The following TM4SF18 variants were observed in gnomAD, a reference collection of about 807,000 sequenced individuals.
TM4SF18 encodes transmembrane 4 L six family member 18, also known as transmembrane 4 L6 family member 18.
Under a neutral mutation model 23.8 loss-of-function variants are expected in TM4SF18, and 22 were observed. That is an observed-to-expected ratio of 0.92 (90% CI 0.66 to 1.32). The LOEUF is 1.32. Ranked by LOEUF, TM4SF18 falls within the 40% of genes most tolerant of loss-of-function variation. TM4SF18 has a pLI of 0.00. For synonymous variants in TM4SF18, 87 were observed against 87.9 expected, an observed-to-expected ratio of 0.99 and a Z score of 0.06; for missense variants, 255 against 240.3, an observed-to-expected ratio of 1.06 and a Z score of -0.41.
chr3:149,321,436 T>G lies in TM4SF18; in HGVS notation c.*42A>C. 2 of 1,449,062 alleles carry G rather than the reference T, an allele frequency of 1.4e-6. No individual in the cohort carries two copies. The highest frequency in any genetic ancestry group is 1.9e-6 in the Non-Finnish European group (2 of 1,052,976). 89.8% of individuals were successfully genotyped at this position (1,449,062 alleles called of 1,614,324 possible). Reference sequence around the variant, plus strand: ...CTACACAGTTGATATAATATTTAGATAGATGGCCATGTCTTGATAATGGAA... The same window carrying G: ...CTACACAGTTGATATAATATTTAGAGAGATGGCCATGTCTTGATAATGGAA... On this transcript the variant is annotated 3_prime_UTR_variant, in exon 6 of 6. Transcript: ENST00000296059.
chr3:149,324,505 T>A (rs1323526025), intron 4 of TM4SF18, among the ~76,000 whole-genome samples: 1 of 152,104 alleles, frequency 6.6e-6, no homozygotes, highest in African/African-American at 2.4e-5. Context: ...AGACCACATG[T>A]CCAACCTGGC....
chr3:149,333,204 A>G lies in TM4SF18; in HGVS notation c.177+2T>C. On this transcript the variant is annotated splice_donor_variant, in intron 2 of 5. Coordinates refer to ENST00000296059, the MANE Select transcript of TM4SF18 (RefSeq NM_138786.4). LOFTEE classifies it high-confidence loss of function. ...CTCCCAAGTCTCCAAATTCATACTT[A>G]CCATGATGCCTGAGAAACAGATTCC... is the stretch of plus-strand genomic sequence containing the variant. 1 of 1,609,154 alleles carries G rather than the reference A, an allele frequency of 6.2e-7. No homozygotes were observed. The highest frequency in any genetic ancestry group is 8.5e-7 in the Non-Finnish European group (1 of 1,177,536).
In TM4SF18 at chr3:149,329,257, G is replaced by A. The variant is rs139104619; in HGVS notation, c.267+1073C>T. On this transcript the variant is annotated intron_variant, in intron 3 of 5. Coordinates refer to ENST00000296059, the MANE Select transcript of TM4SF18 (RefSeq NM_138786.4). Reference sequence around the variant, plus strand: ...GGGACACAGTACTAAATAAAGCAACGAATTTAATTTTTAAAAGACATTGGT... The same window carrying A: ...GGGACACAGTACTAAATAAAGCAACAAATTTAATTTTTAAAAGACATTGGT... 4.4e-3 allele frequency among the ~76,000 whole-genome samples: 672 copies of A among 151,374 alleles called. 4 individuals are homozygous for A. The highest frequency in any genetic ancestry group is 0.016 in the African/African-American group (642 of 41,188).
In TM4SF18 at chr3:149,322,905, C is replaced by CTTTTTTTTTTTTTTTTTTTTTT. The variant is rs34338382; in HGVS notation, c.411-470_411-469insAAAAAAAAAAAAAAAAAAAAAA. Among the ~76,000 whole-genome samples the CTTTTTTTTTTTTTTTTTTTTTT allele has an allele frequency of 4.6e-3, 592 of 128,710 alleles. 32 individuals carry two copies. Among genetic ancestry groups the CTTTTTTTTTTTTTTTTTTTTTT allele is most frequent in the Non-Finnish European group, 6.5e-3 (380 of 58,340 alleles). The allele number at this position is 128,710 out of a possible 152,430, so 84.4% of individuals were successfully genotyped here. ...GAACTTTACCCCTCTGGCCTCCAGA[C>CTTTTTTTTTTTTTTTTTTTTTT]TTTTTTTTTTTTTTTTGAGACGGAG... is the stretch of plus-strand genomic sequence containing the variant. On this transcript the variant is annotated intron_variant, in intron 4 of 5. Coordinates refer to ENST00000296059, the MANE Select transcript of TM4SF18 (RefSeq NM_138786.4).
At position 149,320,707 on chromosome 3, in the gene TM4SF18, A is replaced by G. The variant is rs1730785207; in HGVS notation, c.*771T>C. 1 of 152,230 alleles carries G rather than the reference A, an allele frequency of 6.6e-6. No homozygotes were observed. Among genetic ancestry groups the G allele is most frequent in the African/African-American group, 2.4e-5 (1 of 41,462 alleles). 9.4% of individuals were successfully genotyped at this position (152,230 alleles called of 1,614,324 possible). On this transcript the variant is annotated 3_prime_UTR_variant, in exon 6 of 6. Coordinates refer to ENST00000296059, the MANE Select transcript of TM4SF18 (RefSeq NM_138786.4). ...ATGTTGAGGAATGTGGAAAGAGCATATGCCTTAAAGTTTGGAAAAATAAAA... is the reference window on the plus strand; with the variant it reads ...ATGTTGAGGAATGTGGAAAGAGCATGTGCCTTAAAGTTTGGAAAAATAAAA...
rs115613430 is a variant in TM4SF18 at position 149,326,272 on chromosome 3, G to A, written c.268-1250C>T. On this transcript the variant is annotated intron_variant, in intron 3 of 5. Transcript: ENST00000296059. Reference sequence around the variant, plus strand: ...CTGTTTTTAAGAATCCCTGACAGTTGTCTTGTAGATGTCTCACATTCTGGG... The same window carrying A: ...CTGTTTTTAAGAATCCCTGACAGTTATCTTGTAGATGTCTCACATTCTGGG... 2.2e-3 allele frequency among the ~76,000 whole-genome samples: 342 copies of A among 152,212 alleles called. 2 individuals are homozygous for A. Among genetic ancestry groups the A allele is most frequent in the African/African-American group, 7.8e-3 (322 of 41,534 alleles).
intron 5 of TM4SF18, among the ~76,000 whole-genome samples, 178 bp from the exon 6 acceptor site, chr3:149,321,670 C>T (rs1332377861): frequency 6.6e-6 from 1 of 152,176 alleles, no homozygotes; most frequent in Non-Finnish European, 1.5e-5. Context: ...AAACAAAATA[C>T]AAGCCATCTA....
chr3:149,332,421 C>T lies in TM4SF18; in HGVS notation c.177+785G>A, dbSNP rs899716702. 5.3e-5 allele frequency among the ~76,000 whole-genome samples: 8 copies of T among 152,166 alleles called. No homozygotes were observed. In the South Asian group the frequency reaches 1.2e-3, roughly 24 times the overall value. The stretch of plus-strand genomic sequence containing the variant: ...GGAAATTGTCTTTTCCTCTGAGTTG[C>T]CAACATGATTTACTCTCAGTTTGTT... On this transcript the variant is annotated intron_variant, in intron 2 of 5. Coordinates refer to ENST00000296059, the MANE Select transcript of TM4SF18 (RefSeq NM_138786.4).
At chr3:149,324,784 A>G (rs1730895502) in intron 4 of TM4SF18, 96 bp downstream of exon 4, 1 of 1,527,496 alleles carries the variant, frequency 6.5e-7, no homozygotes, top group Non-Finnish European at 9.0e-7. Context: ...GCCACATGGA[A>G]CCCCAAAGTG....
Position 149,324,981 on chromosome 3 carries a change from A to G in TM4SF18, c.309T>C (p.Phe103=). Residue 103 remains phenylalanine, a synonymous_variant, in exon 4 of 6, where the codon TTT becomes TTC. Coordinates refer to ENST00000296059, the MANE Select transcript of TM4SF18 (RefSeq NM_138786.4). The stretch of plus-strand genomic sequence containing the variant: ...CAGAGATGACCAGGCAGTATCCAGA[A>G]AAAGCAATTCCGAGGGAAGAAAAGA... ...SIIFSSLGIA[F]SGYCLVISAL... 1 of 1,614,172 alleles carries G rather than the reference A, an allele frequency of 6.2e-7. No homozygotes were observed. The highest frequency in any genetic ancestry group is 1.1e-5 in the South Asian group (1 of 91,072).
intron 2 of TM4SF18, among the ~76,000 whole-genome samples, chr3:149,330,686 G>T (rs747212389): frequency 1.3e-5 from 2 of 152,160 alleles, no homozygotes; most frequent in Admixed American, 6.5e-5. Flanking sequence ...TATTATCATG[G>T]TTAGCAACCA....
Position 149,324,984 on chromosome 3 carries a change from A to G in TM4SF18, c.306T>C (p.Ala102=). The G allele has an allele frequency of 6.2e-7, 1 of 1,614,154 alleles. No individual in the cohort carries two copies. The highest frequency in any genetic ancestry group is 8.5e-7 in the Non-Finnish European group (1 of 1,179,996). Residue 102 remains alanine (A), a synonymous_variant, in exon 4 of 6, where the codon GCT becomes GCC. Transcript: ENST00000296059. ...AGATGACCAGGCAGTATCCAGAAAA[A>G]GCAATTCCGAGGGAAGAAAAGATAA... ...LSIIFSSLGI[A]FSGYCLVISA... is the part of the protein sequence containing the mutation.
chr3:149,325,461 G>A (rs552715822), intron 3 of TM4SF18, among the ~76,000 whole-genome samples: 1 of 152,206 alleles, frequency 6.6e-6, no homozygotes, highest in South Asian at 2.1e-4. Flanking sequence ...CAATATAAAG[G>A]AAAATGTCAG....
In TM4SF18 at chr3:149,321,572, T is replaced by G. The variant is rs983144789; in HGVS notation, c.592-80A>C. ...GTAATCCGTAATCCAGATAGCAACT[T>G]AAACTTATATTTCATATTCAAAATA... On this transcript the variant is annotated intron_variant, in intron 5 of 5. Transcript: ENST00000296059. 3.4e-6 allele frequency: 3 copies of G among 888,506 alleles called. No homozygotes were observed. The South Asian group carries it at 5.5e-5, about 16-fold the overall frequency. 55.0% of individuals were successfully genotyped at this position (888,506 alleles called of 1,614,324 possible). A position where few individuals can be genotyped will look rare whatever the true frequency, so the allele number is the denominator to read the frequency against.
intron 2 of TM4SF18, among the ~76,000 whole-genome samples, chr3:149,331,211 G>T (rs554971874): frequency 6.6e-6 from 1 of 151,882 alleles, no homozygotes; most frequent in African/African-American, 2.4e-5. Context: ...TTTACTCTTC[G>T]TAGCCAATGT....
At position 149,324,900 on chromosome 3, in the gene TM4SF18, A is replaced by G. The variant is rs74981119; in HGVS notation, c.390T>C (p.Ala130=). 4 of 1,614,170 alleles carry G rather than the reference A, an allele frequency of 2.5e-6. No homozygotes were observed. The highest frequency in any genetic ancestry group is 2.7e-5 in the African/African-American group (2 of 75,034). The part of the protein sequence containing the change: ...YCRTLDGWEY[A]FEGTAGRFLT... ...CTTACCGTCCAGCAGTGCCTTCAAA[A>G]GCATACTCCCAGCCATCAAGGGTGC... The change falls in exon 4 of 6, where the codon GCT becomes GCC. Residue 130 remains alanine, a synonymous_variant. Transcript: ENST00000296059.
In TM4SF18 at chr3:149,321,522, T is replaced by A. The variant is rs765618253; in HGVS notation, c.592-30A>T. The A allele has an allele frequency of 1.3e-6, 2 of 1,528,590 alleles. 1 individual carries two copies. Among genetic ancestry groups the A allele is most frequent in the South Asian group, 2.4e-5 (2 of 82,688 alleles). The allele number at this position is 1,528,590 out of a possible 1,614,324, so 94.7% of individuals were successfully genotyped here. Reference sequence around the variant, plus strand: ...AGGAAAAAAGGAAAAACAAAGTGATTAAAGTTATAAACTTGGCTTGATTAG... The same window carrying A: ...AGGAAAAAAGGAAAAACAAAGTGATAAAAGTTATAAACTTGGCTTGATTAG... On this transcript the variant is annotated intron_variant, in intron 5 of 5. Transcript: ENST00000296059.
At chr3:149,329,834 A>G (rs1731051071) in intron 3 of TM4SF18, 1 of 152,232 alleles carries the variant, frequency 6.6e-6, no homozygotes, top group African/African-American at 2.4e-5. Flanking sequence ...GATAAAAAAG[A>G]CAAATATTGT....
intron 3 of TM4SF18, among the ~76,000 whole-genome samples, chr3:149,325,715 G>A (rs1489060821): frequency 6.6e-6 from 1 of 152,198 alleles, no homozygotes; most frequent in African/African-American, 2.4e-5. Flanking sequence ...TTCAGCCCTT[G>A]AGTAGCTTAA....
Sources: gnomAD v4.1 joint callset for allele counts (sites outside exome capture counted in the v4.1 genomes callset) on GRCh38, gnomAD v4.1.1 for gene constraint, MANE v1.5 for transcripts, NCBI Gene and HGNC (gene_info 2026-07-23, HGNC 2026-07-21) for gene names.